NPHS2: variants seen among roughly 807,000 people sequenced by gnomAD.
NPHS2 encodes NPHS2 stomatin family member, podocin.
NPHS2 carries 36 observed loss-of-function variants against 37.1 expected under a neutral mutation model. The ratio of observed to expected loss-of-function variants is 0.97; its 90% confidence interval spans 0.74 to 1.28. NPHS2 has a LOEUF of 1.28. NPHS2 is among the 50% of genes most tolerant of loss of function. NPHS2 has a pLI of 0.00. For synonymous variants in NPHS2, 196 were observed against 189.3 expected, an observed-to-expected ratio of 1.04 and a Z score of -0.29; for missense variants, 447 against 488.1, an observed-to-expected ratio of 0.92 and a Z score of 0.79.
intron 1 of NPHS2, among the ~76,000 whole-genome samples, chr1:179,570,555 T>C (rs1674513696): frequency 6.6e-6 from 1 of 152,210 alleles, no homozygotes; most frequent in African/African-American, 2.4e-5. Context: ...CAGGTGTTCC[T>C]TGCCTTCATT....
intron 4 of NPHS2, among the ~76,000 whole-genome samples, chr1:179,558,565 G>A (rs1282376028): frequency 2.0e-5 from 3 of 152,052 alleles, no homozygotes; most frequent in Non-Finnish European, 4.4e-5. Context: ...TATTCTTTAA[G>A]ACCCTACTTT....
intron 2 of NPHS2, among the ~76,000 whole-genome samples, chr1:179,561,714 A>C (rs1379771567): frequency 6.6e-6 from 1 of 152,152 alleles, no homozygotes; most frequent in African/African-American, 2.4e-5. Flanking sequence ...CTCATTAGCT[A>C]TTTAATGGAA....
intron 7 of NPHS2, 131 bp from the exon 8 acceptor site, chr1:179,551,582 T>C (rs574106136): frequency 9.9e-7 from 1 of 1,011,874 alleles, no homozygotes; most frequent in East Asian, 2.5e-5. Context: ...ATAGAACATG[T>C]TTATTCTTCT....
At position 179,564,810 on chromosome 1, in the gene NPHS2, C is replaced by A; in HGVS notation, c.275-17G>T. 6.3e-7 allele frequency: 1 copy of A among 1,590,442 alleles called. No homozygotes were observed. Among genetic ancestry groups the A allele is most frequent in the Non-Finnish European group, 8.6e-7 (1 of 1,159,166 alleles). On this transcript the variant is annotated splice_polypyrimidine_tract_variant and intron_variant, in intron 1 of 7. Transcript: ENST00000367615. ...ATTTGGTACCTTAAAAAAATTAAAGCAAAAGAATAATTATATTGAAACTTC... is the reference window on the plus strand; with the variant it reads ...ATTTGGTACCTTAAAAAAATTAAAGAAAAAGAATAATTATATTGAAACTTC...
intron 7 of NPHS2, 100 bp downstream of exon 7, chr1:179,552,503 C>G: frequency 1.1e-6 from 1 of 902,040 alleles, no homozygotes; most frequent in South Asian, 1.4e-5. Context: ...CAGCTTCTGC[C>G]CAGTGCCTAA....
intron 1 of NPHS2, among the ~76,000 whole-genome samples, chr1:179,565,164 C>T (rs578068629): frequency 2.1e-4 from 32 of 152,162 alleles, no homozygotes; most frequent in Admixed American, 5.2e-4. Context: ...GTTCCAGCTA[C>T]GCAGGAGGCT....
At position 179,572,172 on chromosome 1, in the gene NPHS2, C is replaced by T. The variant is rs549837588; in HGVS notation, c.274+3419G>A. 2.6e-4 allele frequency among the ~76,000 whole-genome samples: 39 copies of T among 152,082 alleles called. No homozygotes were observed. In the South Asian group the frequency reaches 7.3e-3, roughly 28 times the overall value. On this transcript the variant is annotated intron_variant, in intron 1 of 7. Coordinates refer to ENST00000367615, the MANE Select transcript of NPHS2 (RefSeq NM_014625.4). ...GTCGATCATGCTGGGCGCTGTAGAC[C>T]GGAGCTGTTCCTATTTGGCCATCTT...
At position 179,551,086 on chromosome 1, in the gene NPHS2, G is replaced by A. The variant is rs949019567; in HGVS notation, c.*87C>T. 7 of 1,549,974 alleles carry A rather than the reference G, an allele frequency of 4.5e-6. No individual in the cohort carries two copies. The highest frequency in any genetic ancestry group is 1.7e-5 in the Admixed American group (1 of 59,406). On this transcript the variant is annotated 3_prime_UTR_variant, in exon 8 of 8. Transcript: ENST00000367615. ...CATTCCATATGGCAACCAAAGGAAG[G>A]GCAGGGAATGAGGACAGAGTGTCTC...
intron 5 of NPHS2, among the ~76,000 whole-genome samples, chr1:179,555,502 T>G (rs1673880035): frequency 3.9e-5 from 6 of 152,242 alleles, no homozygotes. Context: ...TTTACACTTC[T>G]TTTCTCATTA....
intron 7 of NPHS2, chr1:179,551,814 T>A: frequency 3.6e-6 from 1 of 279,836 alleles, no homozygotes; most frequent in Non-Finnish European, 6.9e-6. Context: ...TCAGGGAAAG[T>A]GAATGGGTAA....
chr1:179,574,985 C>T (rs1312716547), intron 1 of NPHS2, among the ~76,000 whole-genome samples: 1 of 152,176 alleles, frequency 6.6e-6, no homozygotes. Flanking sequence ...CTCATTGTAT[C>T]CTTACCACTA....
At chr1:179,560,606 G>C (rs1030449102) in intron 3 of NPHS2, among the ~76,000 whole-genome samples, 1 of 152,046 alleles carries the variant, frequency 6.6e-6, no homozygotes, top group African/African-American at 2.4e-5. Flanking sequence ...CTCTGTGGGC[G>C]TGTCCTGGAA....
chr1:179,554,906 T>G (rs892989524), intron 5 of NPHS2, among the ~76,000 whole-genome samples: 1 of 152,172 alleles, frequency 6.6e-6, no homozygotes, highest in South Asian at 2.1e-4. Flanking sequence ...ATTATAGGTG[T>G]CCTTATAAGA....
In NPHS2 at chr1:179,564,710, A is replaced by G. The variant is rs779765084; in HGVS notation, c.358T>C (p.Ser120Pro). 2 of 1,613,980 alleles carry G rather than the reference A, an allele frequency of 1.2e-6. No individual in the cohort carries two copies. Among genetic ancestry groups the G allele is most frequent in the East Asian group, 4.5e-5 (2 of 44,886 alleles). ...CTCACCTTTACGCAGAACCAGATGG[A>G]AAAAGGGAAGGTCATGATGATGAAG... ...LLFIIMTFPF[S>P]IWFCVKVVQE... Residue 120 changes from serine (S) to proline (P), a missense_variant, in exon 2 of 8, where the codon TCC becomes CCC. By Grantham distance (74) the Ser-to-Pro change is moderately conservative. Coordinates refer to ENST00000367615, the MANE Select transcript of NPHS2 (RefSeq NM_014625.4).
Position 179,556,260 on chromosome 1 carries a change from C to T in NPHS2, c.738+767G>A, listed in dbSNP as rs1377200458. Among the ~76,000 whole-genome samples the T allele has an allele frequency of 6.6e-6, 1 of 152,196 alleles. No individual in the cohort carries two copies. Among genetic ancestry groups the T allele is most frequent in the Non-Finnish European group, 1.5e-5 (1 of 68,032 alleles). On this transcript the variant is annotated intron_variant, in intron 5 of 7. Transcript: ENST00000367615. This position sits in a 1 kb window ranked among gnomAD's most constrained non-coding sequence, Gnocchi z 4.1. ...TCCTTCCAACTACCATGGTTCACAACCTCCTAACCCAGTTCTGGGCCTGGG... is the reference window on the plus strand; with the variant it reads ...TCCTTCCAACTACCATGGTTCACAATCTCCTAACCCAGTTCTGGGCCTGGG...
In NPHS2 at chr1:179,550,564, A is replaced by T. The variant is rs1334416754; in HGVS notation, c.*609T>A. ...TTCCTTTTAAATGCTTTAATTAGGGATAAATTGTATATCCGACTCCAAGTA... is the reference window on the plus strand; with the variant it reads ...TTCCTTTTAAATGCTTTAATTAGGGTTAAATTGTATATCCGACTCCAAGTA... On this transcript the variant is annotated 3_prime_UTR_variant, in exon 8 of 8. Coordinates refer to ENST00000367615, the MANE Select transcript of NPHS2 (RefSeq NM_014625.4). The T allele has an allele frequency of 6.6e-6, 1 of 152,644 alleles. No homozygotes were observed. The highest frequency in any genetic ancestry group is 1.9e-4 in the East Asian group (1 of 5,198). The allele number at this position is 152,644 out of a possible 1,614,324, so 9.5% of individuals were successfully genotyped here.
chr1:179,568,516 ATTTTTTAAAGGG>A (rs1159443214), intron 1 of NPHS2, among the ~76,000 whole-genome samples: 1 of 152,030 alleles, frequency 6.6e-6, no homozygotes, highest in East Asian at 1.9e-4. Flanking sequence ...GGATTCATTG[ATTTTTTAAAGGG>A]TTTTTTTCTG....
rs199837664 is a variant in NPHS2, at chr1:179,557,155, G to A, written c.610C>T (p.Leu204=). 495 of 1,614,010 alleles carry A rather than the reference G, an allele frequency of 3.1e-4. 2 individuals carry two copies. The highest frequency in any genetic ancestry group is 3.2e-4 in the Non-Finnish European group (376 of 1,179,934). The change falls in exon 5 of 8, where the codon CTA becomes TTA. Residue 204 remains leucine, a synonymous_variant. Coordinates refer to ENST00000367615, the MANE Select transcript of NPHS2 (RefSeq NM_014625.4). ...YYRMENASLL[L]SSLAHVSKAV... The stretch of plus-strand genomic sequence containing the variant: ...TTAGATACATGAGCAAGACTGCTTA[G>A]GAGAAGAGAGGCATTTTCCATTCGG...
rs559074593 is a variant in NPHS2, at chr1:179,553,803, A to G, written c.794+673T>C. ...ACTCTGTCACCCGGGCTGGAGTGCA[A>G]TGCACAATCTCGACTCACTGCAGCC... is the stretch of plus-strand genomic sequence containing the variant. On this transcript the variant is annotated intron_variant, in intron 6 of 7. Transcript: ENST00000367615. Among the ~76,000 whole-genome samples the G allele has an allele frequency of 1.1e-4, 16 of 152,174 alleles. No individual in the cohort carries two copies. In the South Asian group the frequency reaches 1.9e-3, roughly 18 times the overall value.
Sources: allele counts gnomAD v4.1 joint callset (sites outside exome capture counted in the v4.1 genomes callset), GRCh38; gene constraint gnomAD v4.1.1; non-coding constraint Gnocchi (gnomAD v3.1); transcripts MANE v1.5; gene names NCBI Gene and HGNC (gene_info 2026-07-23, HGNC 2026-07-21).